Variants in LY96 observed in about 807,000 individuals in gnomAD.
The protein encoded by LY96 is lymphocyte antigen 96, also known as myeloid differentiation protein-2.
Under a neutral mutation model 18.9 loss-of-function variants are expected in LY96, and 18 were observed. The ratio of observed to expected loss-of-function variants is 0.95; its 90% CI spans 0.66 to 1.41. The LOEUF is 1.41. LY96 is among the 40% of genes most tolerant of loss of function. The pLI is 0.00. For synonymous variants in LY96, 66 were observed against 62.6 expected, an observed-to-expected ratio of 1.06 and a Z score of -0.26; for missense variants, 175 against 182.4, an observed-to-expected ratio of 0.96 and a Z score of 0.23.
chr8:74,043,114 G>T, the LY96 span, among the ~76,000 whole-genome samples: 1 of 152,186 alleles, frequency 6.6e-6, no homozygotes, highest in African/African-American at 2.4e-5. Flanking sequence ...CCACAGGAGG[G>T]TTGATACAGC....
chr8:74,069,898 G>C, the LY96 span, among the ~76,000 whole-genome samples: 1 of 152,086 alleles, frequency 6.6e-6, no homozygotes, highest in Non-Finnish European at 1.5e-5. Context: ...CACTGTGCCC[G>C]GCCCATTTAT....
intron 4 of LY96, 24 bp downstream of exon 4, chr8:74,026,865 A>G: frequency 8.2e-7 from 1 of 1,214,466 alleles, no homozygotes; most frequent in Non-Finnish European, 1.2e-6. Context: ...TTTATTTTGT[A>G]CTGTCTAACC....
the LY96 span, among the ~76,000 whole-genome samples, chr8:74,048,162 G>C: frequency 6.6e-6 from 1 of 152,128 alleles, no homozygotes; most frequent in South Asian, 2.1e-4. Flanking sequence ...TCACATCTCT[G>C]ATATGGCCTT....
At chr8:74,088,252 C>T in the LY96 span, among the ~76,000 whole-genome samples, 1 of 152,176 alleles carries the variant, frequency 6.6e-6, no homozygotes, top group East Asian at 1.9e-4. Context: ...AAGAGAAAAC[C>T]CCATGACACT....
At position 74,009,257 on chromosome 8, in the gene LY96, C is replaced by T. The variant is rs1816477443; in HGVS notation, c.203-744C>T. ...TAAAAATACAAAAATTAGCTGGGCA[C>T]GGTGGTAGGCGCCTGTAATCCCAGC... On this transcript the variant is annotated intron_variant, in intron 2 of 4. Transcript: ENST00000284818. Among the ~76,000 whole-genome samples, 4 of 149,856 alleles carry T rather than the reference C, an allele frequency of 2.7e-5. No individual in the cohort carries two copies. In the South Asian group the frequency reaches 8.5e-4, roughly 32 times the overall value.
chr8:74,081,211 C>A, the LY96 span, among the ~76,000 whole-genome samples: 1 of 143,790 alleles, frequency 7.0e-6, no homozygotes, highest in African/African-American at 2.6e-5. Flanking sequence ...TTCCTTCCTT[C>A]CTTCCTTTCT....
rs140318582 is a variant in LY96 at position 74,015,156 on chromosome 8, G to A, written c.331+5027G>A. Reference sequence around the variant, plus strand: ...TGGGCAGTGGAGGCTGCAGTGAGCCGTGATTGCACCACTGCACTCCAGCCT... The same window carrying A: ...TGGGCAGTGGAGGCTGCAGTGAGCCATGATTGCACCACTGCACTCCAGCCT... On this transcript the variant is annotated intron_variant, in intron 3 of 4. Coordinates refer to ENST00000284818, the MANE Select transcript of LY96 (RefSeq NM_015364.5). 1.0e-3 allele frequency among the ~76,000 whole-genome samples: 159 copies of A among 152,140 alleles called. 1 individual carries two copies. The East Asian group carries it at 0.019, about 18-fold the overall frequency.
the LY96 span, among the ~76,000 whole-genome samples, chr8:74,061,673 T>C: frequency 6.6e-6 from 1 of 152,314 alleles, no homozygotes; most frequent in African/African-American, 2.4e-5. Flanking sequence ...AAAGAGGTTA[T>C]AGAATAATGG....
At chr8:74,086,079 C>T in the LY96 span, among the ~76,000 whole-genome samples, 1 of 152,158 alleles carries the variant, frequency 6.6e-6, no homozygotes, top group East Asian at 1.9e-4. Flanking sequence ...ATATTCTATC[C>T]TCTGTTTTCT....
At chr8:74,009,397 A>AAAG (rs1181796940) in intron 2 of LY96, among the ~76,000 whole-genome samples, 13 of 145,658 alleles carry the variant, frequency 8.9e-5, no homozygotes, top group East Asian at 1.9e-4. Flanking sequence ...AAAAAAAAAA[A>AAAG]AAGAAGAAAA....
At chr8:73,992,547 T>C (rs939200949) in intron 1 of LY96, among the ~76,000 whole-genome samples, 3 of 152,226 alleles carry the variant, frequency 2.0e-5, no homozygotes, top group Admixed American at 6.5e-5. Context: ...GTCTGGAGTG[T>C]ATGTTAACTC....
chr8:74,050,541 C>A, the LY96 span, among the ~76,000 whole-genome samples: 1 of 151,960 alleles, frequency 6.6e-6, no homozygotes, highest in Non-Finnish European at 1.5e-5. Context: ...TATGGACACT[C>A]TTAATGAAGC....
the LY96 span, among the ~76,000 whole-genome samples, chr8:74,097,489 A>G: frequency 6.6e-6 from 1 of 152,106 alleles, no homozygotes; most frequent in Non-Finnish European, 1.5e-5. Flanking sequence ...AGGTGGGTGG[A>G]TCACTTGAGG....
chr8:74,092,934 TA>T, the LY96 span, among the ~76,000 whole-genome samples: 21 of 152,226 alleles, frequency 1.4e-4, no homozygotes, highest in Non-Finnish European at 7.3e-5. Flanking sequence ...ATTATGTAAT[TA>T]TACCATGTAA....
At chr8:74,096,702 CTG>C in the LY96 span, among the ~76,000 whole-genome samples, 1 of 152,166 alleles carries the variant, frequency 6.6e-6, no homozygotes, top group African/African-American at 2.4e-5. Context: ...GGCGGGGACT[CTG>C]TCTGTTTTGT....
chr8:74,005,990 G>GAAA (rs544738613), intron 2 of LY96, among the ~76,000 whole-genome samples: 46 of 152,204 alleles, frequency 3.0e-4, no homozygotes, highest in Non-Finnish European at 5.4e-4. Context: ...CCAGAAAAAT[G>GAAA]AAAAACAACA....
At chr8:74,031,205 G>A (rs571893375), downstream of LY96, among the ~76,000 whole-genome samples, 9 of 152,210 alleles carry the variant, frequency 5.9e-5, no homozygotes, top group East Asian at 1.2e-3. Context: ...TATGAAATCC[G>A]GAGTATATGC....
downstream of LY96, among the ~76,000 whole-genome samples, chr8:74,033,388 C>T (rs909813333): frequency 1.3e-5 from 2 of 152,158 alleles, no homozygotes; most frequent in African/African-American, 2.4e-5. Context: ...GAGAATGCTA[C>T]GTTGCCTGGG....
chr8:74,010,121 T>C lies in LY96; in HGVS notation c.323T>C (p.Leu108Pro). 1 of 1,612,882 alleles carries C rather than the reference T, an allele frequency of 6.2e-7. No individual in the cohort carries two copies. The highest frequency in any genetic ancestry group is 8.5e-7 in the Non-Finnish European group (1 of 1,179,030). The change falls in exon 3 of 5, where the codon CTG becomes CCG. Residue 108 changes from leucine (L) to proline (P), a missense_variant. Leu to Pro is a moderately conservative substitution (Grantham distance 98). Transcript: ENST00000284818. Reference protein sequence around the residue: ...SDDDYSFCRALKGETVNTTIS... With the variant: ...SDDDYSFCRAPKGETVNTTIS... ...GACGATTACTCTTTTTGCAGAGCTC[T>C]GAAGGGAGGTAAGTATTCAGTTCAT... is the stretch of plus-strand genomic sequence containing the variant.
Sources: allele counts gnomAD v4.1 joint callset (sites outside exome capture counted in the v4.1 genomes callset), GRCh38; gene constraint gnomAD v4.1.1; transcripts MANE v1.5; gene names NCBI Gene and HGNC (gene_info 2026-07-23, HGNC 2026-07-21).